TCF12: variants seen among roughly 807,000 people sequenced by gnomAD.
TCF12 encodes the protein DNA-binding protein HTF4.
A neutral mutation model predicts 86.0 loss-of-function variants in TCF12; 45 were observed. The ratio of observed to expected loss-of-function variants is 0.52; its 90% CI spans 0.41 to 0.67. The LOEUF (loss-of-function observed/expected upper bound fraction) is 0.67. Ranked by LOEUF, TCF12 falls within the 30% of genes least tolerant of loss-of-function variation. The probability of loss-of-function intolerance (pLI) is 0.00; values close to 1 mark genes in which losing one functional copy is unlikely to be tolerated. For synonymous variants in TCF12, 330 were observed against 299.6 expected (o/e 1.10, Z -1.05); for missense variants, 881 against 859.9 (o/e 1.02, Z -0.31).
intron 18 of TCF12, among the ~76,000 whole-genome samples, chr15:57,269,151 G>C (rs1453107366): frequency 6.6e-6 from 1 of 152,010 alleles, no homozygotes; most frequent in Admixed American, 6.6e-5. Context: ...ATTATTGTAT[G>C]GGAGTCTAAG....
chr15:56,957,681 GATTA>G (rs1567163666), intron 3 of TCF12, among the ~76,000 whole-genome samples: 2 of 152,010 alleles, frequency 1.3e-5, no homozygotes, highest in African/African-American at 2.4e-5. Flanking sequence ...AGATTTAATT[GATTA>G]ATTTTGTCCC....
intron 3 of TCF12, among the ~76,000 whole-genome samples, chr15:56,953,918 G>T (rs1255414707): frequency 2.2e-5 from 2 of 91,160 alleles, no homozygotes; most frequent in Non-Finnish European, 2.2e-5. Flanking sequence ...CCATTTCTTT[G>T]ACTTCTGCTG....
chr15:57,207,050 T>C (rs1361654507), intron 8 of TCF12, among the ~76,000 whole-genome samples: 3 of 151,810 alleles, frequency 2.0e-5, no homozygotes, highest in Admixed American at 2.0e-4. Flanking sequence ...CAGGCTGTAG[T>C]GAGCTGTGAT....
chr15:56,970,263 C>T (rs1050321754), intron 3 of TCF12, among the ~76,000 whole-genome samples: 7 of 151,758 alleles, frequency 4.6e-5, no homozygotes, highest in East Asian at 1.9e-4. Context: ...GGGTGGATCA[C>T]GAGTTCAGGA....
chr15:57,243,992 C>T (rs1019094150), intron 13 of TCF12, among the ~76,000 whole-genome samples: 2 of 152,124 alleles, frequency 1.3e-5, no homozygotes, highest in Admixed American at 6.5e-5. Flanking sequence ...GATCCTTCCA[C>T]CTCAGCCTCC....
intron 13 of TCF12, chr15:57,247,027 A>G: frequency 1.8e-6 from 1 of 547,870 alleles, no homozygotes; most frequent in South Asian, 1.4e-5. Context: ...CTTCCACCAA[A>G]AGTGCCCCCT....
intron 3 of TCF12, among the ~76,000 whole-genome samples, chr15:57,057,836 T>C: frequency 6.6e-6 from 1 of 152,218 alleles, no homozygotes; most frequent in East Asian, 1.9e-4. Flanking sequence ...ATGATTTGAT[T>C]GTGTTAAAAA....
intron 7 of TCF12, among the ~76,000 whole-genome samples, chr15:57,193,848 A>G (rs1301313531): frequency 3.3e-5 from 5 of 152,146 alleles, no homozygotes; most frequent in African/African-American, 1.2e-4. Flanking sequence ...AGTATCATGG[A>G]TGATTTAGTA....
At chr15:56,930,971 A>C (rs2060220335) in intron 3 of TCF12, among the ~76,000 whole-genome samples, 1 of 152,094 alleles carries the variant, frequency 6.6e-6, no homozygotes, top group South Asian at 2.1e-4. Context: ...TCCTTTCTAA[A>C]ATCTGAAAAA....
At chr15:57,256,192 A>G (rs556141863) in intron 16 of TCF12, among the ~76,000 whole-genome samples, 38 of 152,328 alleles carry the variant, frequency 2.5e-4, no homozygotes, top group Non-Finnish European at 5.0e-4. Flanking sequence ...AGCTTCAGCA[A>G]AAAGACCAAA....
At chr15:57,191,046 C>T (rs1213821770) in intron 6 of TCF12, among the ~76,000 whole-genome samples, 2 of 152,142 alleles carry the variant, frequency 1.3e-5, no homozygotes, top group African/African-American at 2.4e-5. Flanking sequence ...TGAAGAACCA[C>T]GTAAGCATGT....
rs548582659 is a variant in TCF12, at chr15:57,215,221, G to A, written c.580-15931G>A. On this transcript the variant is annotated intron_variant, in intron 8 of 20. Coordinates refer to ENST00000333725, the MANE Select transcript of TCF12 (RefSeq NM_207037.2). ...TTTTGATGTCTGACTTAATTAGCAAGGCTAACTAAAATACTGCACATTTGA... is the reference window on the plus strand; with the variant it reads ...TTTTGATGTCTGACTTAATTAGCAAAGCTAACTAAAATACTGCACATTTGA... 1.2e-3 allele frequency among the ~76,000 whole-genome samples: 180 copies of A among 152,212 alleles called. 1 individual carries two copies. Among genetic ancestry groups the A allele is most frequent in the African/African-American group, 4.3e-3 (179 of 41,540 alleles).
chr15:57,061,538 G>T (rs563247450), intron 3 of TCF12, among the ~76,000 whole-genome samples: 2 of 152,280 alleles, frequency 1.3e-5, no homozygotes, highest in East Asian at 1.9e-4. Flanking sequence ...AGGATTTTGT[G>T]GTTGCAGTGA....
chr15:56,945,656 T>C (rs2060963511), intron 3 of TCF12, among the ~76,000 whole-genome samples: 2 of 152,178 alleles, frequency 1.3e-5, no homozygotes, highest in South Asian at 4.1e-4. Context: ...CTATAGTAGC[T>C]TTTAGATTTT....
chr15:57,197,827 T>TAAG lies in TCF12; in HGVS notation c.579+3_579+5dup, dbSNP rs1212850691. ...GTGCCTCCTGGTTTGCCTTCTTCTG[T>TAAG]AAGTACCTATCTTTTTTTAACTTGA... On this transcript the variant is annotated splice_region_variant and intron_variant, in intron 8 of 20. Transcript: ENST00000333725. 6.2e-7 allele frequency: 1 copy of TAAG among 1,613,944 alleles called. No individual in the cohort carries two copies. Among genetic ancestry groups the TAAG allele is most frequent in the Admixed American group, 1.7e-5 (1 of 59,966 alleles).
At chr15:56,976,718 A>G (rs1332107712) in intron 3 of TCF12, among the ~76,000 whole-genome samples, 1 of 152,158 alleles carries the variant, frequency 6.6e-6, no homozygotes, top group Non-Finnish European at 1.5e-5. Context: ...CCACCCAGAC[A>G]GTTGAATCTT....
At chr15:57,141,169 C>A (rs1299787392) in intron 5 of TCF12, among the ~76,000 whole-genome samples, 1 of 152,134 alleles carries the variant, frequency 6.6e-6, no homozygotes, top group Non-Finnish European at 1.5e-5. Flanking sequence ...GTATCAAATC[C>A]TGTGATTTCA....
intron 5 of TCF12, among the ~76,000 whole-genome samples, chr15:57,142,249 A>G (rs777868074): frequency 3.3e-5 from 5 of 152,100 alleles, no homozygotes; most frequent in Non-Finnish European, 7.3e-5. Flanking sequence ...CAAAACCAGA[A>G]TGAATCCTGT....
intron 3 of TCF12, among the ~76,000 whole-genome samples, chr15:56,943,696 A>G (rs1356309546): frequency 6.6e-6 from 1 of 152,202 alleles, no homozygotes; most frequent in Non-Finnish European, 1.5e-5. Flanking sequence ...AGCGAGTCTC[A>G]TGGACAGTGG....
Sources: allele counts gnomAD v4.1 joint callset (sites outside exome capture counted in the v4.1 genomes callset), GRCh38; gene constraint gnomAD v4.1.1; transcripts MANE v1.5; gene names NCBI Gene and HGNC (gene_info 2026-07-23, HGNC 2026-07-21).